Variants in FEM1B observed in about 807,000 individuals in gnomAD.
FEM1B encodes fem-1 homolog B, also known as protein fem-1 homolog B.
FEM1B carries 10 observed loss-of-function variants against 38.6 expected under a neutral mutation model. The observed-to-expected ratio is 0.26, with a 90% confidence interval of 0.16 to 0.44. The LOEUF (loss-of-function observed/expected upper bound fraction) is 0.44, where lower values mean the gene tolerates loss of function less well. FEM1B is among the 20% of genes least tolerant of loss of function. FEM1B has a pLI of 1.00. For missense variants in FEM1B, 471 were observed against 786.7 expected (o/e 0.60, Z 4.80); for synonymous variants, 288 against 288.0 (o/e 1.00, Z 0.00).
chr15:68,278,494 A>G lies in FEM1B; in HGVS notation c.77A>G (p.Asn26Ser), dbSNP rs780049127. ...KVLTLAALLL[N>S]RSESDIRYLL... ...CTGACTCTGGCCGCCTTGCTTCTCA[A>G]CCGGTCTGAAAGCGACATCCGCTAT... Residue 26 changes from asparagine to serine, a missense_variant, in exon 1 of 2, where the codon AAC becomes AGC. Asn to Ser is a conservative substitution (Grantham distance 46, BLOSUM62 1). Transcript: ENST00000306917. The surrounding 1 kb of genome is among the most constrained non-coding windows in gnomAD (Gnocchi z 5.7). 11 of 1,613,890 alleles carry G rather than the reference A, an allele frequency of 6.8e-6. No homozygotes were observed. The highest frequency in any genetic ancestry group is 5.5e-5 in the South Asian group (5 of 91,074).
rs1567114802 is a variant in FEM1B at position 68,291,429 on chromosome 15, A to G, written c.*187A>G. The G allele has an allele frequency of 9.3e-6, 5 of 535,270 alleles. No individual in the cohort carries two copies. The highest frequency in any genetic ancestry group is 8.9e-5 in the East Asian group (3 of 33,542). The allele number at this position is 535,270 out of a possible 1,614,324, so 33.2% of individuals were successfully genotyped here. A position where few individuals can be genotyped will look rare whatever the true frequency, so the allele number is the denominator to read the frequency against. On this transcript the variant is annotated 3_prime_UTR_variant, in exon 2 of 2. Coordinates refer to ENST00000306917, the MANE Select transcript of FEM1B (RefSeq NM_015322.5). This position sits in a 1 kb window ranked among gnomAD's most constrained non-coding sequence, Gnocchi z 6.9. ...TAATTGATTTCAGACAGACTTTAACAAAACCACATTGTTTTGGTGTAACTA... is the reference window on the plus strand; with the variant it reads ...TAATTGATTTCAGACAGACTTTAACGAAACCACATTGTTTTGGTGTAACTA...
In FEM1B at chr15:68,284,705, A is replaced by G. The variant is rs1892766344; in HGVS notation, c.249-4902A>G. 6.6e-6 allele frequency among the ~76,000 whole-genome samples: 1 copy of G among 152,010 alleles called. No individual in the cohort carries two copies. The highest frequency in any genetic ancestry group is 1.5e-5 in the Non-Finnish European group (1 of 68,004). ...CCTTTCCTTGCCAGAGGTAATGATT[A>G]TTTTGACTTCTGATAGGGTTTGGCT... On this transcript the variant is annotated intron_variant, in intron 1 of 1. Transcript: ENST00000306917. This position sits in a 1 kb window ranked among gnomAD's most constrained non-coding sequence, Gnocchi z 4.4.
chr15:68,289,608 T>C lies in FEM1B; in HGVS notation c.250T>C (p.Tyr84His). The C allele has an allele frequency of 6.2e-7, 1 of 1,612,556 alleles. No homozygotes were observed. The highest frequency in any genetic ancestry group is 8.5e-7 in the Non-Finnish European group (1 of 1,178,788). ...ACTGCTTATTCTTTTCATGTGTAGG[T>C]ATGTCATTGATGGTGCCACTGCTCT... ...QQTGTVRFDG[Y>H]VIDGATALWC... Residue 84 changes from tyrosine (Y) to histidine (H), a missense_variant and splice_region_variant, in exon 2 of 2, where the codon TAT becomes CAT. By Grantham distance (83) the Tyr-to-His change is moderately conservative. Around this residue, in one of 3 missense-constraint regions of FEM1B, gnomAD observed 91 missense variants for 169.6 expected, o/e 0.54. Transcript: ENST00000306917. The surrounding 1 kb of genome is among the most constrained non-coding windows in gnomAD (Gnocchi z 6.9).
At chr15:68,279,758 TTTC>T (rs1169471634) in intron 1 of FEM1B, among the ~76,000 whole-genome samples, 12 of 152,220 alleles carry the variant, frequency 7.9e-5, no homozygotes, top group Non-Finnish European at 1.8e-4. Context: ...ATAAAAGCTT[TTTC>T]TTCTATTTTA....
chr15:68,292,990 T>TA lies in FEM1B; in HGVS notation c.*1749dup, dbSNP rs1240560221. 6.6e-6 allele frequency: 1 copy of TA among 152,190 alleles called. No homozygotes were observed. 9.4% of individuals were successfully genotyped at this position (152,190 alleles called of 1,614,324 possible). Reference sequence around the variant, plus strand: ...TGGTAAATTCTGTCATGGTAATAGATACCTATTTTCCTAACCTGAGATTTT... The same window carrying TA: ...TGGTAAATTCTGTCATGGTAATAGATAACCTATTTTCCTAACCTGAGATTTT... On this transcript the variant is annotated 3_prime_UTR_variant, in exon 2 of 2. Coordinates refer to ENST00000306917, the MANE Select transcript of FEM1B (RefSeq NM_015322.5).
intron 1 of FEM1B, among the ~76,000 whole-genome samples, chr15:68,279,102 A>T (rs183834847): frequency 6.6e-6 from 1 of 152,222 alleles, no homozygotes; most frequent in Admixed American, 6.5e-5. Context: ...ACTCCCTTCA[A>T]GTGAGTGGTT....
chr15:68,279,161 C>T (rs1023761044), intron 1 of FEM1B, among the ~76,000 whole-genome samples: 1 of 152,186 alleles, frequency 6.6e-6, no homozygotes. Flanking sequence ...AAATAAGCAC[C>T]TAGAACCAGC....
chr15:68,290,711 G>A lies in FEM1B; in HGVS notation c.1353G>A (p.Val451=). 1.2e-6 allele frequency: 2 copies of A among 1,614,030 alleles called. No homozygotes were observed. Among genetic ancestry groups the A allele is most frequent in the Non-Finnish European group, 1.7e-6 (2 of 1,179,966 alleles). Residue 451 remains valine (V), a synonymous_variant, in exon 2 of 2, where the codon GTG becomes GTA. Coordinates refer to ENST00000306917, the MANE Select transcript of FEM1B (RefSeq NM_015322.5). The surrounding 1 kb of genome is among the most constrained non-coding windows in gnomAD (Gnocchi z 9.7). ...ECNLYTFLYL[V]CISTKTQCSE... ...ATCTCTATACCTTTCTGTATTTAGT[G>A]TGCATCTCTACCAAAACACAGTGCA...
rs971715848 is a variant in FEM1B at position 68,292,920 on chromosome 15, C to G, written c.*1678C>G. On this transcript the variant is annotated 3_prime_UTR_variant, in exon 2 of 2. Transcript: ENST00000306917. ...GGATGCAAGATACTTTTTACAGTTG[C>G]TATCATTATACTTTGTCTTCTTGCT... 6.6e-6 allele frequency: 1 copy of G among 152,068 alleles called. No homozygotes were observed. Among genetic ancestry groups the G allele is most frequent in the Admixed American group, 6.6e-5 (1 of 15,266 alleles). 9.4% of individuals were successfully genotyped at this position (152,068 alleles called of 1,614,324 possible). A position where few individuals can be genotyped will look rare whatever the true frequency, so the allele number is the denominator to read the frequency against.
chr15:68,282,514 G>A (rs72741152), intron 1 of FEM1B, among the ~76,000 whole-genome samples: 1,755 of 152,194 alleles, frequency 0.012, 16 homozygotes, highest in Middle Eastern at 0.02. Context: ...GATTGAACCA[G>A]GTAATAGATG....
At position 68,283,885 on chromosome 15, in the gene FEM1B, C is replaced by CT. The variant is rs35187853; in HGVS notation, c.248+5237dup. On this transcript the variant is annotated intron_variant, in intron 1 of 1. Coordinates refer to ENST00000306917, the MANE Select transcript of FEM1B (RefSeq NM_015322.5). ...TTTTGTATTTTTAATCTCACGTAAA[C>CT]TTTTTTTTTTTTTTTTTGAGATGGA... Among the ~76,000 whole-genome samples the CT allele has an allele frequency of 3.2e-3, 446 of 139,124 alleles. 1 individual carries two copies. Among genetic ancestry groups the CT allele is most frequent in the East Asian group, 5.1e-3 (25 of 4,890 alleles). The allele number at this position is 139,124 out of a possible 152,430, so 91.3% of individuals were successfully genotyped here.
At position 68,291,023 on chromosome 15, in the gene FEM1B, C is replaced by T. The variant is rs762595379; in HGVS notation, c.1665C>T (p.Ile555=). 57 of 1,614,122 alleles carry T rather than the reference C, an allele frequency of 3.5e-5. No homozygotes were observed. The highest frequency in any genetic ancestry group is 4.7e-5 in the Non-Finnish European group (55 of 1,179,982). The change falls in exon 2 of 2, where the codon ATC becomes ATT. Residue 555 remains isoleucine (I), a synonymous_variant. Transcript: ENST00000306917. This position sits in a 1 kb window ranked among gnomAD's most constrained non-coding sequence, Gnocchi z 6.9. ...PISDFLTLHS[I]IISLVEAGAH... The stretch of plus-strand genomic sequence containing the variant: ...GTGATTTTTTGACCTTGCACTCCAT[C>T]ATCATTAGCCTAGTTGAAGCCGGAG...
chr15:68,279,684 A>G (rs1892705803), intron 1 of FEM1B, among the ~76,000 whole-genome samples: 1 of 152,076 alleles, frequency 6.6e-6, no homozygotes. Flanking sequence ...TGAAAAAAAC[A>G]TTTCTTCTTT....
Position 68,290,030 on chromosome 15 carries a change from A to G in FEM1B, c.672A>G (p.Lys224=), listed in dbSNP as rs1892829277. The G allele has an allele frequency of 6.2e-7, 1 of 1,614,232 alleles. No homozygotes were observed. The highest frequency in any genetic ancestry group is 8.5e-7 in the Non-Finnish European group (1 of 1,180,042). The change falls in exon 2 of 2, where the codon AAA becomes AAG. Residue 224 remains lysine, a synonymous_variant. Transcript: ENST00000306917. The surrounding 1 kb of genome is among the most constrained non-coding windows in gnomAD (Gnocchi z 9.7). The part of the protein sequence containing the change: ...VVNGHGMTPL[K]VAAESCKADV... ...ATGGCCATGGGATGACGCCATTGAA[A>G]GTAGCTGCCGAAAGCTGTAAAGCTG...
rs1280332754 is a variant in FEM1B at position 68,293,719 on chromosome 15, TA to T, written c.*2479del. 1.3e-5 allele frequency: 2 copies of T among 152,202 alleles called. No homozygotes were observed. The highest frequency in any genetic ancestry group is 3.8e-4 in the East Asian group (2 of 5,206). 9.4% of individuals were successfully genotyped at this position (152,202 alleles called of 1,614,324 possible). ...CACCTGTATAAAATCATTTTTGAAA[TA>T]AGTGATCTACATGCCTGTTTTTTTA... On this transcript the variant is annotated 3_prime_UTR_variant, in exon 2 of 2. Coordinates refer to ENST00000306917, the MANE Select transcript of FEM1B (RefSeq NM_015322.5). The surrounding 1 kb of genome is among the most constrained non-coding windows in gnomAD (Gnocchi z 5.8).
intron 1 of FEM1B, among the ~76,000 whole-genome samples, chr15:68,285,565 TCTG>T (rs2140243838): frequency 6.6e-6 from 1 of 152,338 alleles, no homozygotes; most frequent in African/African-American, 2.4e-5. Flanking sequence ...ATTTAGCTAT[TCTG>T]CTGGGTGTGT....
Position 68,295,335 on chromosome 15 carries a change from T to C in FEM1B, c.*4093T>C, listed in dbSNP as rs1482746932. 1 of 152,220 alleles carries C rather than the reference T, an allele frequency of 6.6e-6. No individual in the cohort carries two copies. Among genetic ancestry groups the C allele is most frequent in the Non-Finnish European group, 1.5e-5 (1 of 68,028 alleles). The allele number at this position is 152,220 out of a possible 1,614,324, so 9.4% of individuals were successfully genotyped here. A position where few individuals can be genotyped will look rare whatever the true frequency, so the allele number is the denominator to read the frequency against. ...GATGCAAGCTTGCCAAATGATGAAA[T>C]GAACAAGATTTTGTATCTATTTTTT... On this transcript the variant is annotated 3_prime_UTR_variant, in exon 2 of 2. Transcript: ENST00000306917.
chr15:68,290,867 C>T lies in FEM1B; in HGVS notation c.1509C>T (p.Thr503=). The change falls in exon 2 of 2, where the codon ACC becomes ACT. Residue 503 remains threonine, a synonymous_variant. Transcript: ENST00000306917. The surrounding 1 kb of genome is among the most constrained non-coding windows in gnomAD (Gnocchi z 9.7). The stretch of plus-strand genomic sequence containing the variant: ...ATACTCCAGTTGATGATTTCCACAC[C>T]AATGACGTCTGCAGCTTTCCAAATG... ...NSNTPVDDFH[T]NDVCSFPNAL... The T allele has an allele frequency of 6.2e-7, 1 of 1,614,088 alleles. No homozygotes were observed. Among genetic ancestry groups the T allele is most frequent in the South Asian group, 1.1e-5 (1 of 91,074 alleles).
In FEM1B at chr15:68,290,939, C is replaced by T. The variant is rs754065123; in HGVS notation, c.1581C>T (p.Ala527=). The T allele has an allele frequency of 7.4e-6, 12 of 1,613,996 alleles. No homozygotes were observed. The African/African-American group carries it at 8.0e-5, about 11-fold the overall frequency. The change falls in exon 2 of 2, where the codon GCC becomes GCT. Residue 527 remains alanine, a synonymous_variant. Transcript: ENST00000306917. The surrounding 1 kb of genome is among the most constrained non-coding windows in gnomAD (Gnocchi z 9.7). ...LLLDCGAEVN[A]VDNEGNSALH... is the part of the protein sequence containing the mutation. ...TGGACTGTGGTGCTGAGGTGAATGC[C>T]GTGGACAATGAGGGAAACAGTGCCC...
Sources: gnomAD v4.1 joint callset for allele counts (sites outside exome capture counted in the v4.1 genomes callset) on GRCh38, gnomAD v4.1.1 for gene constraint, gnomAD v4.1.1 regional missense constraint, Gnocchi (gnomAD v3.1) non-coding constraint, MANE v1.5 for transcripts, NCBI Gene and HGNC (gene_info 2026-07-23, HGNC 2026-07-21) for gene names.